Variants in MBD5 observed in about 807,000 individuals in gnomAD.
MBD5 encodes the protein methyl-CpG-binding domain protein 5.
A neutral mutation model predicts 117.3 loss-of-function variants in MBD5; 13 were observed. The ratio of observed to expected loss-of-function variants is 0.11; its 90% confidence interval spans 0.07 to 0.18. The LOEUF is 0.18. MBD5 is among the 10% of genes least tolerant of loss of function. The pLI, the probability that MBD5 is intolerant of heterozygous loss-of-function variation, is 1.00. For synonymous variants in MBD5, 727 were observed against 766.4 expected (o/e 0.95, Z 0.85); for missense variants, 1,879 against 2,093.8 (o/e 0.90, Z 2.00).
chr2:148,132,323 T>C (rs902893967), intron 1 of MBD5, among the ~76,000 whole-genome samples: 51 of 13,484 alleles, frequency 3.8e-3, no homozygotes, highest in African/African-American at 4.8e-3. Flanking sequence ...AAAGAAATTA[T>C]ATATATACAT....
intron 1 of MBD5, among the ~76,000 whole-genome samples, chr2:148,130,217 T>C: frequency 6.6e-6 from 1 of 152,326 alleles, no homozygotes; most frequent in East Asian, 1.9e-4. Flanking sequence ...AATTTTAATT[T>C]AATTATTTAA....
chr2:148,097,282 T>C (rs777152020), intron 1 of MBD5, among the ~76,000 whole-genome samples: 1 of 152,212 alleles, frequency 6.6e-6, no homozygotes, highest in Non-Finnish European at 1.5e-5. Context: ...TGCATTGTAC[T>C]AAACAAGGTA....
chr2:148,263,390 A>G (rs911386047), intron 3 of MBD5, among the ~76,000 whole-genome samples: 1 of 152,158 alleles, frequency 6.6e-6, no homozygotes, highest in Non-Finnish European at 1.5e-5. Flanking sequence ...GAGAGGAGAA[A>G]ACTTTTTGTA....
At position 148,103,585 on chromosome 2, in the gene MBD5, G is replaced by T. The variant is rs1266756293; in HGVS notation, c.-924-75115G>T. Among the ~76,000 whole-genome samples, 12 of 152,096 alleles carry T rather than the reference G, an allele frequency of 7.9e-5. 1 individual carries two copies. Among genetic ancestry groups the T allele is most frequent in the Admixed American group, 7.9e-4 (12 of 15,260 alleles). On this transcript the variant is annotated intron_variant, in intron 1 of 13. Coordinates refer to ENST00000642680, the MANE Select transcript of MBD5 (RefSeq NM_001378120.1). ...AATTGGTGCATATGGTTTTGAAACA[G>T]CCTCAGAATTCAGTGAAGTGCCCTT... is the stretch of plus-strand genomic sequence containing the variant.
chr2:148,412,032 T>C (rs543921927), intron 4 of MBD5, among the ~76,000 whole-genome samples: 4 of 152,244 alleles, frequency 2.6e-5, no homozygotes, highest in African/African-American at 9.6e-5. Context: ...TTTTTCTATA[T>C]GGTATAAAGA....
At chr2:148,075,448 G>A (rs1695484982) in intron 1 of MBD5, among the ~76,000 whole-genome samples, 1 of 152,170 alleles carries the variant, frequency 6.6e-6, no homozygotes, top group Non-Finnish European at 1.5e-5. Flanking sequence ...AGAAGTCATA[G>A]CATCAAGTTA....
rs913092102 is a variant in MBD5, at chr2:148,021,700, G to A, written c.-925+16G>A. On this transcript the variant is annotated intron_variant, in intron 1 of 13. Transcript: ENST00000642680. ...GGCAGGAAAGGTAAGTGTGTCTGTGGGGGCTTCATTGCCTTCCTCTGGCTC... is the reference window on the plus strand; with the variant it reads ...GGCAGGAAAGGTAAGTGTGTCTGTGAGGGCTTCATTGCCTTCCTCTGGCTC... The A allele has an allele frequency of 2.9e-6, 1 of 348,322 alleles. No individual in the cohort carries two copies. Among genetic ancestry groups the A allele is most frequent in the Non-Finnish European group, 5.7e-6 (1 of 174,444 alleles). The allele number at this position is 348,322 out of a possible 1,614,324, so 21.6% of individuals were successfully genotyped here.
At chr2:148,354,875 G>C (rs181802886) in intron 4 of MBD5, among the ~76,000 whole-genome samples, 1 of 151,890 alleles carries the variant, frequency 6.6e-6, no homozygotes, top group African/African-American at 2.4e-5. Flanking sequence ...TTTTTCATAC[G>C]TTTGTTGGCT....
At chr2:148,221,867 C>T (rs1201315823) in intron 2 of MBD5, among the ~76,000 whole-genome samples, 1 of 152,004 alleles carries the variant, frequency 6.6e-6, no homozygotes, top group East Asian at 1.9e-4. Context: ...CCAATGTTTT[C>T]TTGTAGTAGT....
At chr2:148,488,157 C>T (rs1456287071) in intron 10 of MBD5, among the ~76,000 whole-genome samples, 2 of 152,160 alleles carry the variant, frequency 1.3e-5, no homozygotes, top group African/African-American at 2.4e-5. Flanking sequence ...GAATTTAGGA[C>T]GGGTATAGTT....
rs763299719 is a variant in MBD5, at chr2:148,490,470, C to A, written c.4838C>A (p.Pro1613Gln). Residue 1613 changes from proline to glutamine, a missense_variant, in exon 11 of 14, where the codon CCA (proline) becomes CAA (glutamine). By Grantham distance (76) the Pro-to-Gln change is moderately conservative. Coordinates refer to ENST00000642680, the MANE Select transcript of MBD5 (RefSeq NM_001378120.1). Reference sequence around the variant, plus strand: ...TCAAATGAATTGATACATTATAGACCAAGGACGTTCAATGTTGGCGACTTG... The same window carrying A: ...TCAAATGAATTGATACATTATAGACAAAGGACGTTCAATGTTGGCGACTTG... ...PSSNELIHYR[P>Q]RTFNVGDLVW... 6 of 1,613,960 alleles carry A rather than the reference C, an allele frequency of 3.7e-6. No individual in the cohort carries two copies. Among genetic ancestry groups the A allele is most frequent in the Non-Finnish European group, 5.1e-6 (6 of 1,180,024 alleles).
intron 3 of MBD5, among the ~76,000 whole-genome samples, chr2:148,280,151 C>A (rs201241891): frequency 0.092 from 7,857 of 84,968 alleles, 164 homozygotes; most frequent in Middle Eastern, 0.2. Flanking sequence ...AAAAAAAAAA[C>A]AAAAAGAAAA....
chr2:148,418,928 C>T (rs893591650), intron 4 of MBD5, among the ~76,000 whole-genome samples: 1 of 151,924 alleles, frequency 6.6e-6, no homozygotes, highest in Non-Finnish European at 1.5e-5. Flanking sequence ...GCAATTCTAA[C>T]CAAAAAGAAC....
At chr2:148,277,060 G>A (rs1221585919) in intron 3 of MBD5, among the ~76,000 whole-genome samples, 1 of 152,018 alleles carries the variant, frequency 6.6e-6, no homozygotes, top group Admixed American at 6.6e-5. Flanking sequence ...CACTCTTAAG[G>A]GGCAATTTTC....
intron 12 of MBD5, among the ~76,000 whole-genome samples, chr2:148,505,922 A>G (rs1346745653): frequency 6.6e-6 from 1 of 152,198 alleles, no homozygotes; most frequent in African/African-American, 2.4e-5. Context: ...CATTTCTAAA[A>G]TGGGCATAAT....
chr2:148,479,713 CT>C (rs1317554521), intron 8 of MBD5, among the ~76,000 whole-genome samples: 2 of 91,472 alleles, frequency 2.2e-5, no homozygotes, highest in Non-Finnish European at 2.4e-5. Context: ...TTTATTATGT[CT>C]TTGTTGTTTT....
intron 11 of MBD5, among the ~76,000 whole-genome samples, chr2:148,502,149 T>C (rs1362415407): frequency 6.6e-6 from 1 of 152,240 alleles, no homozygotes; most frequent in East Asian, 1.9e-4. Context: ...TTTATGATTT[T>C]GTGAATTGAA....
intron 8 of MBD5, among the ~76,000 whole-genome samples, chr2:148,482,592 G>T (rs927908380): frequency 3.3e-5 from 5 of 151,924 alleles, no homozygotes; most frequent in Non-Finnish European, 7.4e-5. Context: ...AATCTTCACA[G>T]GTACTTTTTA....
rs551825274 is a variant in MBD5 at position 148,505,288 on chromosome 2, T to G, written c.5036+2779T>G. Among the ~76,000 whole-genome samples, 39 of 152,252 alleles carry G rather than the reference T, an allele frequency of 2.6e-4. No homozygotes were observed. The South Asian group carries it at 7.5e-3, about 29-fold the overall frequency. On this transcript the variant is annotated intron_variant, in intron 12 of 13. Coordinates refer to ENST00000642680, the MANE Select transcript of MBD5 (RefSeq NM_001378120.1). ...AGTACAGTTTGGGGTGCCTGTAGGATAGGCTGGACATACGTGTCTGAAACT... is the reference window on the plus strand; with the variant it reads ...AGTACAGTTTGGGGTGCCTGTAGGAGAGGCTGGACATACGTGTCTGAAACT...
Sources: allele counts gnomAD v4.1 joint callset (sites outside exome capture counted in the v4.1 genomes callset), GRCh38; gene constraint gnomAD v4.1.1; transcripts MANE v1.5; gene names NCBI Gene and HGNC (gene_info 2026-07-23, HGNC 2026-07-21).